Variants in IRAG2 observed in about 807,000 individuals in gnomAD.
IRAG2 encodes the protein lymphoid restricted membrane protein.
In IRAG2, 45 loss-of-function variants were observed where a neutral mutation model predicts 69.9. The observed-to-expected ratio is 0.64, with a 90% CI of 0.51 to 0.83. The LOEUF is 0.83. Among genes scored for constraint, IRAG2 ranks in the 40% least tolerant of loss-of-function variants. The pLI is 0.00. For synonymous variants in IRAG2, 193 were observed against 202.4 expected, an observed-to-expected ratio of 0.95 and a Z score of 0.40; for missense variants, 520 against 587.0, an observed-to-expected ratio of 0.89 and a Z score of 1.18.
At chr12:25,020,920 T>C in intron 7 of IRAG2, 1 of 1,179,914 alleles carries the variant, frequency 8.5e-7, no homozygotes, top group African/African-American at 1.6e-5. Context: ...AAGTCATCTA[T>C]TATAGTACTT....
intron 6 of IRAG2, among the ~76,000 whole-genome samples, chr12:25,078,131 ATTACCT>A (rs1946951399): frequency 6.6e-6 from 1 of 152,214 alleles, no homozygotes; most frequent in Non-Finnish European, 1.5e-5. Context: ...CCTTCATTTC[ATTACCT>A]GTAATAAGTA....
intron 16 of IRAG2, among the ~76,000 whole-genome samples, chr12:25,042,047 T>G (rs189806479): frequency 3.3e-5 from 5 of 152,196 alleles, no homozygotes; most frequent in Admixed American, 3.3e-4. Context: ...ATTTCATGAT[T>G]AAAAAGTTAT....
chr12:25,034,839 C>T (rs1944692183), intron 13 of IRAG2, among the ~76,000 whole-genome samples: 1 of 152,194 alleles, frequency 6.6e-6, no homozygotes, highest in African/African-American at 2.4e-5. Flanking sequence ...CATCTGAAGC[C>T]ATCTCCGGCA....
chr12:25,079,538 G>A (rs1478498149), intron 8 of IRAG2, 76 bp downstream of exon 8: 5 of 1,393,056 alleles, frequency 3.6e-6, no homozygotes, highest in Non-Finnish European at 5.1e-6. Flanking sequence ...GTGACCTGCT[G>A]GGGTGTGAGC....
intron 2 of IRAG2, among the ~76,000 whole-genome samples, chr12:25,005,756 G>C (rs1306061463): frequency 6.6e-6 from 1 of 152,022 alleles, no homozygotes; most frequent in East Asian, 1.9e-4. Context: ...TTATTTTTGA[G>C]ATGTGTTTTT....
intron 9 of IRAG2, among the ~76,000 whole-genome samples, chr12:25,082,666 A>G (rs969759336): frequency 6.6e-6 from 1 of 152,136 alleles, no homozygotes; most frequent in Admixed American, 6.6e-5. Flanking sequence ...TAAAATTTTC[A>G]TAAGGAAAAA....
At chr12:25,015,112 A>AAAAAAAAAAAAAAAAAAAAAG (rs1555125446) in intron 3 of IRAG2, 1 of 360,088 alleles carries the variant, frequency 2.8e-6, no homozygotes. Flanking sequence ...AAAAAAAAAA[A>AAAAAAAAAAAAAAAAAAAAAG]GACAAAACTT....
intron 2 of IRAG2, chr12:25,005,402 C>T (rs1255667077): frequency 2.6e-6 from 2 of 782,212 alleles, no homozygotes; most frequent in African/African-American, 1.8e-5. Context: ...CTGTCCAAGT[C>T]ATCTGAACTT....
intron 14 of IRAG2, 36 bp from the exon 15 acceptor site, chr12:25,096,874 T>C (rs1948451196): frequency 1.3e-6 from 2 of 1,568,028 alleles, no homozygotes; most frequent in East Asian, 4.6e-5. Flanking sequence ...TGAATGCTTG[T>C]GTTAGATATC....
At chr12:25,038,181 G>T (rs7977085) in intron 16 of IRAG2, 74,304 of 397,964 alleles carry the variant, frequency 0.19, 7,735 homozygotes, top group Middle Eastern at 0.25. Flanking sequence ...TTATATACAT[G>T]ACATGTTTAT....
intron 10 of IRAG2, chr12:25,030,932 C>G (rs1944663265): frequency 4.1e-6 from 3 of 736,016 alleles, no homozygotes; most frequent in Non-Finnish European, 5.0e-6. Flanking sequence ...ATTTGAAACC[C>G]AATTTGATTG....
intron 5 of IRAG2, among the ~76,000 whole-genome samples, chr12:25,015,616 C>G (rs1308327148): frequency 6.6e-6 from 1 of 152,192 alleles, no homozygotes; most frequent in Non-Finnish European, 1.5e-5. Flanking sequence ...ACTAGGAACA[C>G]AAATTCTCGT....
chr12:25,006,460 A>G (rs1177733870), intron 2 of IRAG2: 1 of 152,230 alleles, frequency 6.6e-6, no homozygotes, highest in Admixed American at 6.5e-5. Context: ...TAGAAAAGAC[A>G]TGGAATCAAC....
In IRAG2 at chr12:25,029,806, G is replaced by A. The variant is rs117138765; in HGVS notation, c.1462-472G>A. 3.2e-4 allele frequency among the ~76,000 whole-genome samples: 48 copies of A among 152,154 alleles called. No individual in the cohort carries two copies. In the East Asian group the frequency reaches 8.1e-3, roughly 26 times the overall value. ...AACCATCCTCCAGCCTCAGCCTCCC[G>A]AGTGCCTGAGACTACAGGCATGTGC... is the stretch of plus-strand genomic sequence containing the variant. On this transcript the variant is annotated intron_variant, in intron 9 of 38. Transcript: ENST00000636465.
At chr12:25,071,445 A>AT (rs1374303610) in intron 6 of IRAG2, among the ~76,000 whole-genome samples, 1 of 152,216 alleles carries the variant, frequency 6.6e-6, no homozygotes, top group Admixed American at 6.5e-5. Flanking sequence ...TGAACTTGGA[A>AT]GCTTACAGGA....
In IRAG2 at chr12:25,103,868, C is replaced by G. The variant is rs1129443; in HGVS notation, c.965C>G (p.Ser322Cys). The change falls in exon 18 of 22, where the codon TCT becomes TGT. Residue 322 changes from serine (S) to cysteine (C), a missense_variant. Coordinates refer to ENST00000556887, the MANE Select transcript of IRAG2 (RefSeq NM_001366544.2). ...TCTCTACGAAGAGTGACTATTGCCT[C>G]TTTACCCAGAAATATTGGAAATGCA... The part of the protein sequence containing the change: ...PSSLRRVTIA[S>C]LPRNIGNAGM... 1.9e-6 allele frequency: 3 copies of G among 1,613,380 alleles called. No homozygotes were observed. In the Admixed American group the frequency reaches 5.0e-5, roughly 27 times the overall value.
At chr12:25,025,940 G>A (rs550420815) in intron 8 of IRAG2, among the ~76,000 whole-genome samples, 3 of 152,202 alleles carry the variant, frequency 2.0e-5, no homozygotes, top group South Asian at 2.1e-4. Context: ...CTAGGGGTTC[G>A]AAAATTTTTT....
chr12:25,060,471 A>G (rs890912065), intron 1 of IRAG2, among the ~76,000 whole-genome samples: 1 of 151,986 alleles, frequency 6.6e-6, no homozygotes, highest in Admixed American at 6.6e-5. Flanking sequence ...GCTCTGTTCC[A>G]TGAGTCTAAT....
At chr12:25,018,527 T>C (rs1034955127) in intron 6 of IRAG2, among the ~76,000 whole-genome samples, 20 of 152,076 alleles carry the variant, frequency 1.3e-4, no homozygotes, top group African/African-American at 4.1e-4. Context: ...ACTAAAGCAT[T>C]CTCATCCTCA....
Sources: gnomAD v4.1 joint callset for allele counts (sites outside exome capture counted in the v4.1 genomes callset) on GRCh38, gnomAD v4.1.1 for gene constraint, MANE v1.5 for transcripts, NCBI Gene and HGNC (gene_info 2026-07-23, HGNC 2026-07-21) for gene names.